Variants in ERBB4 observed in about 807,000 individuals in gnomAD.
ERBB4 encodes the protein erb-b2 receptor tyrosine kinase 4, also known as receptor tyrosine-protein kinase erbB-4.
Under a neutral mutation model 158.0 loss-of-function variants are expected in ERBB4, and 42 were observed. The observed-to-expected ratio is 0.27, with a 90% CI of 0.21 to 0.34. The LOEUF (loss-of-function observed/expected upper bound fraction) is 0.34. Ranked by LOEUF, ERBB4 falls within the 10% of genes least tolerant of loss-of-function variation. The pLI is 1.00. For missense variants in ERBB4, 1,333 were observed against 1,624.1 expected (o/e 0.82, Z 3.08); for synonymous variants, 583 against 558.7 (o/e 1.04, Z -0.61).
chr2:211,934,055 A>G lies in ERBB4; in HGVS notation c.421+13375T>C, dbSNP rs542070224. Among the ~76,000 whole-genome samples the G allele has an allele frequency of 5.9e-5, 9 of 152,154 alleles. No homozygotes were observed. The South Asian group carries it at 1.9e-3, about 32-fold the overall frequency. ...CCTAAAAGGAATTACATGCGTTTCA[A>G]TAATTTTAGAGTCTCCTCCATCTTT... On this transcript the variant is annotated intron_variant, in intron 3 of 27. Transcript: ENST00000342788.
chr2:211,579,601 C>T lies in ERBB4; in HGVS notation c.2302-17513G>A, dbSNP rs150600776. On this transcript the variant is annotated intron_variant, in intron 19 of 27. Transcript: ENST00000342788. Reference sequence around the variant, plus strand: ...AAGAAAATGTGATACATATTCACCACGGAATACTATGCAGCCATAAAAAGG... The same window carrying T: ...AAGAAAATGTGATACATATTCACCATGGAATACTATGCAGCCATAAAAAGG... Among the ~76,000 whole-genome samples, 507 of 152,092 alleles carry T rather than the reference C, an allele frequency of 3.3e-3. 2 individuals are homozygous for T. The highest frequency in any genetic ancestry group is 0.014 in the Middle Eastern group (4 of 292).
At chr2:212,160,390 C>T (rs571004427) in intron 1 of ERBB4, among the ~76,000 whole-genome samples, 1 of 152,112 alleles carries the variant, frequency 6.6e-6, no homozygotes, top group East Asian at 1.9e-4. Context: ...CTATACCACA[C>T]TCACTTTTAT....
chr2:212,135,947 C>T (rs1463802214), intron 1 of ERBB4, among the ~76,000 whole-genome samples: 1 of 152,170 alleles, frequency 6.6e-6, no homozygotes, highest in Non-Finnish European at 1.5e-5. Context: ...TTAAGAGGGA[C>T]AGTGCAAACC....
intron 3 of ERBB4, among the ~76,000 whole-genome samples, chr2:211,803,979 C>T (rs1369652066): frequency 2.6e-5 from 4 of 152,178 alleles, no homozygotes; most frequent in Admixed American, 6.5e-5. Flanking sequence ...AAGACTTCTT[C>T]ATACTTCTTG....
intron 2 of ERBB4, among the ~76,000 whole-genome samples, chr2:212,012,559 C>T (rs1008374784): frequency 1.3e-5 from 2 of 151,914 alleles, no homozygotes; most frequent in South Asian, 2.1e-4. Flanking sequence ...GGACCACAGG[C>T]GCTTGCCGCC....
At chr2:212,474,206 ATTT>A (rs547655901) in intron 1 of ERBB4, among the ~76,000 whole-genome samples, 10 of 146,754 alleles carry the variant, frequency 6.8e-5, no homozygotes, top group African/African-American at 2.5e-4. Context: ...CAAAATAGTG[ATTT>A]TTTTTTTTTT....
chr2:211,845,110 C>G (rs1210073971), intron 3 of ERBB4, among the ~76,000 whole-genome samples: 1 of 151,874 alleles, frequency 6.6e-6, no homozygotes, highest in Admixed American at 6.6e-5. Context: ...CAGTCCATTC[C>G]CTCTTTATGA....
chr2:211,422,581 A>G (rs1251185818), intron 23 of ERBB4, among the ~76,000 whole-genome samples: 2 of 151,764 alleles, frequency 1.3e-5, no homozygotes, highest in Non-Finnish European at 3.0e-5. Context: ...TGTCTAGTAT[A>G]AAAATACTAT....
At chr2:211,884,695 A>T (rs1472576559) in intron 3 of ERBB4, among the ~76,000 whole-genome samples, 3 of 152,184 alleles carry the variant, frequency 2.0e-5, no homozygotes, top group African/African-American at 7.2e-5. Flanking sequence ...GCATCATCTG[A>T]GGTAACAACC....
chr2:212,372,282 C>A (rs79136491), intron 1 of ERBB4, among the ~76,000 whole-genome samples: 2,321 of 152,284 alleles, frequency 0.015, 81 homozygotes, highest in East Asian at 0.097. Context: ...AATTTAAATT[C>A]ATAAGCAGAT....
intron 2 of ERBB4, among the ~76,000 whole-genome samples, chr2:212,076,650 A>G (rs958829392): frequency 7.2e-5 from 11 of 151,928 alleles, no homozygotes; most frequent in Non-Finnish European, 1.0e-4. Flanking sequence ...GAGGTATGCT[A>G]GTTCACAGTT....
At chr2:212,463,198 G>A (rs548682207) in intron 1 of ERBB4, among the ~76,000 whole-genome samples, 3 of 152,018 alleles carry the variant, frequency 2.0e-5, no homozygotes, top group African/African-American at 7.2e-5. Context: ...AGCACTGTAG[G>A]GTGACTATAG....
At chr2:212,537,958 A>C (rs911099413) in intron 1 of ERBB4, among the ~76,000 whole-genome samples, 31 of 152,162 alleles carry the variant, frequency 2.0e-4, no homozygotes, top group African/African-American at 2.4e-5. Context: ...GGTCGCCAGC[A>C]GCACACACAG....
chr2:211,743,254 C>T (rs2074852565), intron 5 of ERBB4, among the ~76,000 whole-genome samples: 1 of 152,138 alleles, frequency 6.6e-6, no homozygotes, highest in East Asian at 1.9e-4. Context: ...TAGAAAACTT[C>T]ACAATTATGA....
In ERBB4 at chr2:211,910,006, G is replaced by A. The variant is rs556080925; in HGVS notation, c.421+37424C>T. Among the ~76,000 whole-genome samples, 17 of 151,490 alleles carry A rather than the reference G, an allele frequency of 1.1e-4. 1 individual carries two copies. In the South Asian group the frequency reaches 2.1e-3, roughly 19 times the overall value. On this transcript the variant is annotated intron_variant, in intron 3 of 27. Coordinates refer to ENST00000342788, the MANE Select transcript of ERBB4 (RefSeq NM_005235.3). ...GTGATCTCGGCTCACTGCAACCTCC[G>A]CCTCCCAGGTTCAAGCAAGTTTCCT...
At chr2:211,442,338 C>T (rs2063997798) in intron 20 of ERBB4, among the ~76,000 whole-genome samples, 1 of 152,056 alleles carries the variant, frequency 6.6e-6, no homozygotes, top group Non-Finnish European at 1.5e-5. Flanking sequence ...TAGATTGGGT[C>T]ACTCTACAAC....
At chr2:212,288,370 T>A (rs2086078377) in intron 1 of ERBB4, among the ~76,000 whole-genome samples, 1 of 152,148 alleles carries the variant, frequency 6.6e-6, no homozygotes, top group Admixed American at 6.5e-5. Context: ...AATGTTAGTG[T>A]GCTTGAGGAA....
At chr2:211,462,834 C>T (rs1041695874) in intron 20 of ERBB4, among the ~76,000 whole-genome samples, 14 of 152,142 alleles carry the variant, frequency 9.2e-5, no homozygotes, top group Non-Finnish European at 1.6e-4. Context: ...TGAAATTATA[C>T]TAGAGTTCAA....
At chr2:212,159,421 T>G (rs990610965) in intron 1 of ERBB4, among the ~76,000 whole-genome samples, 2 of 152,030 alleles carry the variant, frequency 1.3e-5, no homozygotes, top group African/African-American at 4.8e-5. Flanking sequence ...GTGGATTTAC[T>G]TCTTAACTAA....
Sources: allele counts gnomAD v4.1 joint callset (sites outside exome capture counted in the v4.1 genomes callset), GRCh38; gene constraint gnomAD v4.1.1; transcripts MANE v1.5; gene names NCBI Gene and HGNC (gene_info 2026-07-23, HGNC 2026-07-21).